NAB1: variants seen among roughly 807,000 people sequenced by gnomAD.
NAB1 encodes NGFI-A binding protein 1, also known as NGFI-A-binding protein 1.
In NAB1, 25 loss-of-function variants were observed where a neutral mutation model predicts 49.9. That is an observed-to-expected ratio of 0.50 (90% CI 0.37 to 0.70). The LOEUF is 0.70. Among genes scored for constraint, NAB1 ranks in the 30% least tolerant of loss-of-function variants. The pLI, the probability that NAB1 is intolerant of heterozygous loss-of-function variation, is 0.00. For synonymous variants in NAB1, 198 were observed against 215.6 expected, an observed-to-expected ratio of 0.92 and a Z score of 0.71; for missense variants, 489 against 575.9, an observed-to-expected ratio of 0.85 and a Z score of 1.54.
Position 190,685,018 on chromosome 2 carries a change from G to A in NAB1, c.1096-458G>A, listed in dbSNP as rs1244225627. Among the ~76,000 whole-genome samples the A allele has an allele frequency of 1.3e-5, 2 of 152,128 alleles. No individual in the cohort carries two copies. The highest frequency in any genetic ancestry group is 2.4e-5 in the African/African-American group (1 of 41,422). ...ATTTGTCTTGTTCTTCTAGACAGCC[G>A]TTTTACACCTTTTCTCCCCCAAACA... On this transcript the variant is annotated intron_variant, in intron 7 of 9. Coordinates refer to ENST00000337386, the MANE Select transcript of NAB1 (RefSeq NM_005966.4). This position sits in a 1 kb window ranked among gnomAD's most constrained non-coding sequence, Gnocchi z 4.5.
In NAB1 at chr2:190,652,412, G is replaced by GC. The variant is rs1693714366; in HGVS notation, c.-197+2431dup. Among the ~76,000 whole-genome samples the GC allele has an allele frequency of 1.3e-5, 2 of 152,160 alleles. No homozygotes were observed. The highest frequency in any genetic ancestry group is 1.3e-4 in the Admixed American group (2 of 15,284). On this transcript the variant is annotated intron_variant, in intron 2 of 9. Transcript: ENST00000337386. This position sits in a 1 kb window ranked among gnomAD's most constrained non-coding sequence, Gnocchi z 4.2. ...AGAATTTCCAGCCATTGTACGAAAT[G>GC]CTAGTATTTGCCTATTGTTACTATA...
chr2:190,653,576 G>A (rs1453925644), intron 2 of NAB1: 3 of 152,314 alleles, frequency 2.0e-5, no homozygotes, highest in South Asian at 2.1e-4. Context: ...TATGTGTATT[G>A]CTATATATGT....
At chr2:190,650,333 G>A (rs1205052045) in intron 2 of NAB1, among the ~76,000 whole-genome samples, 2 of 152,210 alleles carry the variant, frequency 1.3e-5, no homozygotes, top group African/African-American at 4.8e-5. Flanking sequence ...TGCCAGTGAC[G>A]TGTCTGCCAA....
chr2:190,671,623 GTTCAAGAAGTTGTATAACATGTAA>G (rs1273801738), intron 5 of NAB1, among the ~76,000 whole-genome samples: 2 of 151,962 alleles, frequency 1.3e-5, no homozygotes, highest in Non-Finnish European at 2.9e-5. Context: ...CATGTCCACA[GTTCAAGAAGTTGTATAACATGTAA>G]GGCTAACAAT....
rs980411629 is a variant in NAB1, at chr2:190,686,480, T to G, written c.1259-721T>G. 2.6e-5 allele frequency among the ~76,000 whole-genome samples: 4 copies of G among 152,354 alleles called. No individual in the cohort carries two copies. The highest frequency in any genetic ancestry group is 3.4e-3 in the Middle Eastern group (1 of 294). ...AAGGATACCATCTTAACAAGGATTC[T>G]CCAGCCATGGACTGAAATATTACAT... is the stretch of plus-strand genomic sequence containing the variant. On this transcript the variant is annotated intron_variant, in intron 8 of 9. Transcript: ENST00000337386. This position sits in a 1 kb window ranked among gnomAD's most constrained non-coding sequence, Gnocchi z 5.5.
intron 5 of NAB1, among the ~76,000 whole-genome samples, chr2:190,672,726 A>T (rs932574669): frequency 2.0e-5 from 3 of 152,048 alleles, no homozygotes; most frequent in Non-Finnish European, 4.4e-5. Context: ...CTGTAATCCC[A>T]GCAATTTGGA....
Position 190,687,320 on chromosome 2 carries a change from G to T in NAB1, c.1375+3G>T, listed in dbSNP as rs761890910. On this transcript the variant is annotated splice_donor_region_variant and intron_variant, in intron 9 of 9. Coordinates refer to ENST00000337386, the MANE Select transcript of NAB1 (RefSeq NM_005966.4). ...TGAGGCAAAGTCCCACTCATCAGGT[G>T]AGAACGTGCTATATGATGAGAGGGT... 1 of 1,519,270 alleles carries T rather than the reference G, an allele frequency of 6.6e-7. No homozygotes were observed. Among genetic ancestry groups the T allele is most frequent in the East Asian group, 2.4e-5 (1 of 41,870 alleles). The allele number at this position is 1,519,270 out of a possible 1,614,324, so 94.1% of individuals were successfully genotyped here.
At position 190,690,831 on chromosome 2, in the gene NAB1, T is replaced by C. The variant is rs1440068979; in HGVS notation, c.*498T>C. On this transcript the variant is annotated 3_prime_UTR_variant, in exon 10 of 10. Coordinates refer to ENST00000337386, the MANE Select transcript of NAB1 (RefSeq NM_005966.4). ...TTAAGTGATGCAGTTATTGGCAAGA[T>C]TGCAATGATTATGGAAAAATAGAAA... is the stretch of plus-strand genomic sequence containing the variant. 1 of 152,750 alleles carries C rather than the reference T, an allele frequency of 6.5e-6. No individual in the cohort carries two copies. Among genetic ancestry groups the C allele is most frequent in the Non-Finnish European group, 1.5e-5 (1 of 68,102 alleles). The allele number at this position is 152,750 out of a possible 1,614,324, so 9.5% of individuals were successfully genotyped here.
intron 7 of NAB1, 58 bp downstream of exon 7, chr2:190,683,885 G>GACT (rs1284242629): frequency 2.9e-5 from 39 of 1,335,148 alleles, no homozygotes; most frequent in Non-Finnish European, 3.7e-5. Context: ...AAAAATAAAT[G>GACT]ACTACTTCAA....
intron 7 of NAB1, 122 bp downstream of exon 7, chr2:190,683,949 T>A: frequency 1.3e-6 from 1 of 748,306 alleles, no homozygotes; most frequent in Non-Finnish European, 2.2e-6. Context: ...GTTTGTTTTT[T>A]AAAACGTCAT....
intron 6 of NAB1, 60 bp from the exon 7 acceptor site, chr2:190,683,678 T>C: frequency 1.6e-6 from 2 of 1,239,578 alleles, no homozygotes; most frequent in Non-Finnish European, 2.3e-6. Context: ...TTTCAAGTTT[T>C]TGATAATATT....
At chr2:190,683,010 CA>C (rs1469812132) in intron 6 of NAB1, among the ~76,000 whole-genome samples, 1 of 152,022 alleles carries the variant, frequency 6.6e-6, no homozygotes, top group Non-Finnish European at 1.5e-5. Flanking sequence ...TTCATAAAAC[CA>C]AAAATTAGGA....
Position 190,682,304 on chromosome 2 carries a change from G to A in NAB1, c.1006-1434G>A, listed in dbSNP as rs748260172. Among the ~76,000 whole-genome samples, 5 of 152,154 alleles carry A rather than the reference G, an allele frequency of 3.3e-5. No homozygotes were observed. The highest frequency in any genetic ancestry group is 4.4e-5 in the Non-Finnish European group (3 of 68,026). On this transcript the variant is annotated intron_variant, in intron 6 of 9. Coordinates refer to ENST00000337386, the MANE Select transcript of NAB1 (RefSeq NM_005966.4). The surrounding 1 kb of genome is among the most constrained non-coding windows in gnomAD (Gnocchi z 4.1). ...GTCCTCACAACAATCCTAATAGATA[G>A]GTTCTCCTATCCTCAATTTTCCTGT...
Position 190,651,659 on chromosome 2 carries a change from A to G in NAB1, c.-197+1677A>G, listed in dbSNP as rs538468888. On this transcript the variant is annotated intron_variant, in intron 2 of 9. Transcript: ENST00000337386. This position sits in a 1 kb window ranked among gnomAD's most constrained non-coding sequence, Gnocchi z 4.3. ...AGCCTCCGAAGTTATGTCAGGTTTC[A>G]TTGGCCTAAGACTTAGGACTCATTT... Among the ~76,000 whole-genome samples the G allele has an allele frequency of 1.1e-4, 17 of 152,274 alleles. No homozygotes were observed. In the East Asian group the frequency reaches 2.7e-3, roughly 24 times the overall value.
rs540474980 is a variant in NAB1 at position 190,674,809 on chromosome 2, G to A, written c.1005+1657G>A. On this transcript the variant is annotated intron_variant, in intron 6 of 9. Transcript: ENST00000337386. This position sits in a 1 kb window ranked among gnomAD's most constrained non-coding sequence, Gnocchi z 5.7. ...CTCACACCTATAATCCCAACACTTCGGGAGGCCAAGACAGAAGGATTGCTT... is the reference window on the plus strand; with the variant it reads ...CTCACACCTATAATCCCAACACTTCAGGAGGCCAAGACAGAAGGATTGCTT... Among the ~76,000 whole-genome samples the A allele has an allele frequency of 2.6e-4, 39 of 152,260 alleles. No individual in the cohort carries two copies. The highest frequency in any genetic ancestry group is 1.6e-3 in the Admixed American group (24 of 15,298).
chr2:190,676,283 G>T lies in NAB1; in HGVS notation c.1005+3131G>T, dbSNP rs1344567544. ...TAAGAAAATACTAAGCATGTTCAGA[G>T]AACAATAAGTTTGTCTAGGGAATGT... On this transcript the variant is annotated intron_variant, in intron 6 of 9. Transcript: ENST00000337386. The surrounding 1 kb of genome is among the most constrained non-coding windows in gnomAD (Gnocchi z 4.6). Among the ~76,000 whole-genome samples the T allele has an allele frequency of 2.6e-5, 4 of 152,126 alleles. No homozygotes were observed. Among genetic ancestry groups the T allele is most frequent in the Admixed American group, 6.6e-5 (1 of 15,260 alleles).
In NAB1 at chr2:190,692,501, AAAT is replaced by A. The variant is rs2099833190; in HGVS notation, c.*2173_*2175del. 1 of 152,696 alleles carries A rather than the reference AAAT, an allele frequency of 6.5e-6. No individual in the cohort carries two copies. Among genetic ancestry groups the A allele is most frequent in the African/African-American group, 2.4e-5 (1 of 41,476 alleles). 9.5% of individuals were successfully genotyped at this position (152,696 alleles called of 1,614,324 possible). A position where few individuals can be genotyped will look rare whatever the true frequency, so the allele number is the denominator to read the frequency against. The stretch of plus-strand genomic sequence containing the variant: ...TATTAAACTTGCTATACATTAAAGC[AAAT>A]AATATATATTTTTATTTGAATTGTA... On this transcript the variant is annotated 3_prime_UTR_variant, in exon 10 of 10. Transcript: ENST00000337386. This position sits in a 1 kb window ranked among gnomAD's most constrained non-coding sequence, Gnocchi z 5.2.
At chr2:190,683,910 A>G (rs1237799778) in intron 7 of NAB1, 83 bp downstream of exon 7, 5 of 1,104,166 alleles carry the variant, frequency 4.5e-6, no homozygotes, top group Non-Finnish European at 5.3e-6. Context: ...CTTCAGTTTT[A>G]AGTATCTGAG....
At chr2:190,649,071 G>C (rs1459939384), upstream of NAB1, 1 of 145,346 alleles carries the variant, frequency 6.9e-6, no homozygotes, top group East Asian at 2.0e-4. The surrounding 1 kb of genome is among the most constrained non-coding windows in gnomAD (Gnocchi z 6.1). Context: ...CGGCGGGGGA[G>C]GCGCTGCCGC....
Sources: gnomAD v4.1 joint callset for allele counts (sites outside exome capture counted in the v4.1 genomes callset) on GRCh38, gnomAD v4.1.1 for gene constraint, Gnocchi (gnomAD v3.1) non-coding constraint, MANE v1.5 for transcripts, NCBI Gene and HGNC (gene_info 2026-07-23, HGNC 2026-07-21) for gene names.